The following IQCM variants were observed in gnomAD, a reference collection of about 807,000 sequenced individuals.
The protein encoded by IQCM is IQ motif containing M, also known as IQ domain-containing protein M.
IQCM carries 45 observed loss-of-function variants against 57.6 expected under a neutral mutation model. The observed-to-expected ratio is 0.78, with a 90% CI of 0.62 to 1.00. IQCM has a LOEUF of 1.00. Among genes scored for constraint, IQCM ranks in the 50% least tolerant of loss-of-function variants. IQCM has a pLI of 0.00. For missense variants in IQCM, 468 were observed against 511.6 expected (o/e 0.91, Z 0.82); for synonymous variants, 148 against 158.9 (o/e 0.93, Z 0.51).
chr4:149,446,909 G>A (rs1441869380), intron 12 of IQCM, among the ~76,000 whole-genome samples: 8 of 151,340 alleles, frequency 5.3e-5, no homozygotes, highest in South Asian at 4.1e-4. Context: ...GTTAACTCAC[G>A]ATGTTAAAAG....
In IQCM at chr4:149,542,685, C is replaced by A. The variant is rs183428819; in HGVS notation, c.1228+5770G>T. 6.0e-3 allele frequency among the ~76,000 whole-genome samples: 915 copies of A among 152,028 alleles called. 10 individuals are homozygous for A. The highest frequency in any genetic ancestry group is 0.019 in the African/African-American group (799 of 41,498). On this transcript the variant is annotated intron_variant, in intron 12 of 13. Transcript: ENST00000636793. The stretch of plus-strand genomic sequence containing the variant: ...ATCTCTGTTAAAATGAGTCATTATA[C>A]AATTTTGTTTAATATTTAAACATTT...
intron 13 of IQCM, among the ~76,000 whole-genome samples, chr4:149,357,867 T>A (rs1459457669): frequency 6.6e-6 from 1 of 152,182 alleles, no homozygotes; most frequent in Non-Finnish European, 1.5e-5. Flanking sequence ...TGTGAATCCA[T>A]CTGGTCCTGG....
At chr4:149,458,903 T>A (rs562913334) in intron 12 of IQCM, among the ~76,000 whole-genome samples, 22 of 152,318 alleles carry the variant, frequency 1.4e-4, no homozygotes, top group Non-Finnish European at 1.3e-4. Flanking sequence ...GTTTATCTTT[T>A]GGGTGCCCTA....
At chr4:149,522,106 T>C (rs1745709634) in intron 12 of IQCM, among the ~76,000 whole-genome samples, 1 of 152,170 alleles carries the variant, frequency 6.6e-6, no homozygotes, top group African/African-American at 2.4e-5. Flanking sequence ...ATCCCAGAGT[T>C]TCTGACATCT....
Position 149,433,420 on chromosome 4 carries a change from C to G in IQCM, c.1366G>C (p.Gly456Arg). The part of the protein sequence containing the change: ...KSTWLRPIVN[G>R]EEGYRYIVNG... Reference sequence around the variant, plus strand: ...CCTATATATCTATAACCTTCTTCCCCATTTACTATGGGTCTCAACCAAGTC... The same window carrying G: ...CCTATATATCTATAACCTTCTTCCCGATTTACTATGGGTCTCAACCAAGTC... The change falls in exon 13 of 14, where the codon GGG becomes CGG. Residue 456 changes from glycine (G) to arginine (R), a missense_variant. By Grantham distance (125) the Gly-to-Arg change is moderately radical. Coordinates refer to ENST00000636793, the MANE Select transcript of IQCM (RefSeq NM_001363507.2). The G allele has an allele frequency of 7.3e-6, 9 of 1,225,638 alleles. No homozygotes were observed. Among genetic ancestry groups the G allele is most frequent in the Non-Finnish European group, 9.2e-6 (9 of 982,496 alleles). 75.9% of individuals were successfully genotyped at this position (1,225,638 alleles called of 1,614,324 possible).
intron 12 of IQCM, among the ~76,000 whole-genome samples, chr4:149,467,051 T>TG (rs746844613): frequency 6.6e-5 from 10 of 152,058 alleles, no homozygotes; most frequent in South Asian, 2.1e-4. Context: ...GAATTTCTTT[T>TG]GGGGGGGCAC....
At chr4:149,484,331 T>A (rs1741236698) in intron 12 of IQCM, among the ~76,000 whole-genome samples, 1 of 152,060 alleles carries the variant, frequency 6.6e-6, no homozygotes, top group African/African-American at 2.4e-5. Context: ...AGGGACTTAT[T>A]CCTGCCATTT....
intron 12 of IQCM, among the ~76,000 whole-genome samples, chr4:149,501,112 C>T (rs1467866994): frequency 6.6e-6 from 1 of 152,076 alleles, no homozygotes; most frequent in African/African-American, 2.4e-5. Flanking sequence ...CGGTTACTTC[C>T]CTCTTCAGTG....
intron 12 of IQCM, among the ~76,000 whole-genome samples, chr4:149,464,234 G>A (rs2149714828): frequency 6.6e-6 from 1 of 152,216 alleles, no homozygotes; most frequent in East Asian, 1.9e-4. Context: ...TTCTTAATTG[G>A]GGAAGCTGGA....
intron 9 of IQCM, among the ~76,000 whole-genome samples, chr4:149,575,539 G>A (rs775657949): frequency 6.6e-6 from 1 of 151,794 alleles, no homozygotes; most frequent in Non-Finnish European, 1.5e-5. Flanking sequence ...TAAAGGAGAT[G>A]TAATTCTTGG....
intron 12 of IQCM, among the ~76,000 whole-genome samples, chr4:149,460,811 T>C (rs999633703): frequency 6.6e-6 from 1 of 152,166 alleles, no homozygotes; most frequent in African/African-American, 2.4e-5. Context: ...TTGGAAAATA[T>C]TTATATCTAA....
At position 149,507,849 on chromosome 4, in the gene IQCM, C is replaced by T. The variant is rs117091192; in HGVS notation, c.1228+40606G>A. Among the ~76,000 whole-genome samples, 80 of 152,212 alleles carry T rather than the reference C, an allele frequency of 5.3e-4. No individual in the cohort carries two copies. In the East Asian group the frequency reaches 0.012, roughly 23 times the overall value. On this transcript the variant is annotated intron_variant, in intron 12 of 13. Coordinates refer to ENST00000636793, the MANE Select transcript of IQCM (RefSeq NM_001363507.2). ...CTCCAGGGCATGTGAAAGACCTTTG[C>T]GGCAGCCCCTCCCATCACAGACCCA...
intron 2 of IQCM, among the ~76,000 whole-genome samples, chr4:149,808,241 A>G (rs911322810): frequency 2.0e-5 from 3 of 152,172 alleles, no homozygotes; most frequent in Non-Finnish European, 4.4e-5. Flanking sequence ...CATAAAAATA[A>G]TGAAATCCTG....
chr4:149,557,261 T>C (rs1460025565), intron 10 of IQCM, among the ~76,000 whole-genome samples: 1 of 152,174 alleles, frequency 6.6e-6, no homozygotes, highest in Non-Finnish European at 1.5e-5. Flanking sequence ...TTTGCAATAA[T>C]TGGACACTTC....
intron 2 of IQCM, among the ~76,000 whole-genome samples, chr4:149,780,896 C>T (rs1341264787): frequency 6.6e-6 from 1 of 152,102 alleles, no homozygotes; most frequent in Admixed American, 6.5e-5. Flanking sequence ...CTGTTCACTT[C>T]CCATGTGCCA....
At chr4:149,374,960 ACTTT>A (rs1013002085) in intron 13 of IQCM, among the ~76,000 whole-genome samples, 21 of 131,806 alleles carry the variant, frequency 1.6e-4, no homozygotes, top group Non-Finnish European at 2.8e-4. Context: ...CCTCTGCCAC[ACTTT>A]CTTTGTGTGT....
chr4:149,754,292 G>A (rs981890061), intron 2 of IQCM, among the ~76,000 whole-genome samples: 1 of 152,144 alleles, frequency 6.6e-6, no homozygotes, highest in Non-Finnish European at 1.5e-5. Flanking sequence ...ACTCTGAAGG[G>A]TCAACTCAAC....
chr4:149,764,309 AACCAGGAAAG>A (rs1258744415), intron 2 of IQCM, among the ~76,000 whole-genome samples: 1 of 152,166 alleles, frequency 6.6e-6, no homozygotes, highest in East Asian at 1.9e-4. Flanking sequence ...CTCATCAAAT[AACCAGGAAAG>A]ACCAATCACT....
chr4:149,576,311 A>G (rs1316049876), intron 9 of IQCM, among the ~76,000 whole-genome samples: 2 of 151,546 alleles, frequency 1.3e-5, no homozygotes, highest in Non-Finnish European at 3.0e-5. Context: ...CCCACTCTCC[A>G]CCCTGAAGTA....
Sources: gnomAD v4.1 joint callset for allele counts (sites outside exome capture counted in the v4.1 genomes callset) on GRCh38, gnomAD v4.1.1 for gene constraint, MANE v1.5 for transcripts, NCBI Gene and HGNC (gene_info 2026-07-23, HGNC 2026-07-21) for gene names.